TMEM67: variants seen among roughly 807,000 people sequenced by gnomAD.
TMEM67 encodes transmembrane protein 67.
TMEM67 carries 124 observed loss-of-function variants against 136.6 expected under a neutral mutation model. The ratio of observed to expected loss-of-function variants is 0.91; its 90% CI spans 0.78 to 1.05. The LOEUF is 1.05. Ranked by LOEUF, TMEM67 falls within the 50% of genes least tolerant of loss-of-function variation. TMEM67 has a pLI of 0.00. For missense variants in TMEM67, 1,107 were observed against 1,178.4 expected, an observed-to-expected ratio of 0.94 and a Z score of 0.89; for synonymous variants, 364 against 390.5, an observed-to-expected ratio of 0.93 and a Z score of 0.80.
rs768339643 is a variant in TMEM67 at position 93,803,564 on chromosome 8, C to T, written c.2242-40C>T. 1.1e-5 allele frequency: 15 copies of T among 1,331,538 alleles called. No homozygotes were observed. The African/African-American group carries it at 1.2e-4, about 10-fold the overall frequency. 82.5% of individuals were successfully genotyped at this position (1,331,538 alleles called of 1,614,324 possible). On this transcript the variant is annotated intron_variant, in intron 21 of 27. Transcript: ENST00000453321. ...TGTGGCTGTAAAAGAAAATTAAAAT[C>T]CTAAAAGCTAATAAGCATAAACTTG...
At chr8:93,826,533 C>A in the TMEM67 span, among the ~76,000 whole-genome samples, 1 of 152,134 alleles carries the variant, frequency 6.6e-6, no homozygotes, top group African/African-American at 2.4e-5. Context: ...AGGTTAGATA[C>A]ATGTTTAATT....
chr8:93,830,299 C>G, the TMEM67 span, among the ~76,000 whole-genome samples: 2 of 152,182 alleles, frequency 1.3e-5, no homozygotes, highest in African/African-American at 2.4e-5. Flanking sequence ...CCCTACACAT[C>G]TCTCCATCTG....
chr8:93,791,217 A>G lies in TMEM67; in HGVS notation c.1519-46A>G, dbSNP rs375208900. Reference sequence around the variant, plus strand: ...ATTTTTATAACAAAAATAAGTTTGTATCATATAATTTCAGTATAGCTAATT... The same window carrying G: ...ATTTTTATAACAAAAATAAGTTTGTGTCATATAATTTCAGTATAGCTAATT... On this transcript the variant is annotated intron_variant, in intron 14 of 27. Transcript: ENST00000453321. 8 of 1,251,466 alleles carry G rather than the reference A, an allele frequency of 6.4e-6. No individual in the cohort carries two copies. The African/African-American group carries it at 1.0e-4, about 16-fold the overall frequency. The allele number at this position is 1,251,466 out of a possible 1,614,324, so 77.5% of individuals were successfully genotyped here. A position where few individuals can be genotyped will look rare whatever the true frequency, so the allele number is the denominator to read the frequency against.
At chr8:93,820,862 C>T (rs549024863), downstream of TMEM67, among the ~76,000 whole-genome samples, 7 of 152,274 alleles carry the variant, frequency 4.6e-5, no homozygotes, top group African/African-American at 9.6e-5. Context: ...CTAGAAGTAG[C>T]AATAGACAAA....
chr8:93,780,519 TA>T, intron 7 of TMEM67, 73 bp from the exon 8 acceptor site: 1 of 1,591,674 alleles, frequency 6.3e-7, no homozygotes. Context: ...CTGCACAAAG[TA>T]AAATTTTTAT....
intron 6 of TMEM67, among the ~76,000 whole-genome samples, chr8:93,770,212 A>C (rs1405780525): frequency 2.0e-5 from 3 of 152,250 alleles, no homozygotes; most frequent in African/African-American, 2.4e-5. Flanking sequence ...CATTTGCTTT[A>C]TCTCTCTGTA....
At chr8:93,830,667 G>C in the TMEM67 span, among the ~76,000 whole-genome samples, 1 of 152,172 alleles carries the variant, frequency 6.6e-6, no homozygotes, top group East Asian at 1.9e-4. Context: ...AAGAGAATAG[G>C]AAAAAGCACA....
At chr8:93,810,722 G>A (rs992931539) in intron 26 of TMEM67, among the ~76,000 whole-genome samples, 9 of 152,074 alleles carry the variant, frequency 5.9e-5, no homozygotes, top group Non-Finnish European at 1.3e-4. Context: ...AAGTATTCAG[G>A]TGAATTTCAG....
intron 20 of TMEM67, among the ~76,000 whole-genome samples, chr8:93,799,150 G>A (rs1185234655): frequency 6.6e-6 from 1 of 152,010 alleles, no homozygotes; most frequent in East Asian, 1.9e-4. Flanking sequence ...TGTAATGGAT[G>A]GACCAAAAGT....
chr8:93,759,214 C>T (rs1319754384), intron 3 of TMEM67: 1 of 152,050 alleles, frequency 6.6e-6, no homozygotes, highest in African/African-American at 2.4e-5. Flanking sequence ...TTAATCCTAG[C>T]ACTTTGGAAG....
At chr8:93,779,898 T>C (rs1813733822) in intron 7 of TMEM67, among the ~76,000 whole-genome samples, 1 of 152,126 alleles carries the variant, frequency 6.6e-6, no homozygotes, top group Non-Finnish European at 1.5e-5. Context: ...GAACCACTGC[T>C]CTCTTCAGAG....
chr8:93,782,137 A>G (rs2130671354), intron 10 of TMEM67, among the ~76,000 whole-genome samples: 1 of 152,210 alleles, frequency 6.6e-6, no homozygotes, highest in African/African-American at 2.4e-5. Context: ...GATGGTCTTG[A>G]TCTCCTGACC....
downstream of TMEM67, among the ~76,000 whole-genome samples, chr8:93,821,366 C>T (rs1274673755): frequency 2.0e-5 from 3 of 152,198 alleles, no homozygotes; most frequent in African/African-American, 7.2e-5. Flanking sequence ...ACTGTAGACT[C>T]GACCTCCCAG....
At chr8:93,766,923 C>A (rs1356362595) in intron 6 of TMEM67, among the ~76,000 whole-genome samples, 1 of 152,142 alleles carries the variant, frequency 6.6e-6, no homozygotes, top group African/African-American at 2.4e-5. Flanking sequence ...GCATTCTTCT[C>A]CAGATTGGAG....
In TMEM67 at chr8:93,816,591, T is replaced by G. The variant is rs1400638147; in HGVS notation, c.*139T>G. The G allele has an allele frequency of 1.9e-6, 1 of 539,848 alleles. No individual in the cohort carries two copies. Among genetic ancestry groups the G allele is most frequent in the African/African-American group, 1.9e-5 (1 of 52,546 alleles). 33.4% of individuals were successfully genotyped at this position (539,848 alleles called of 1,614,324 possible). On this transcript the variant is annotated 3_prime_UTR_variant, in exon 28 of 28. Coordinates refer to ENST00000453321, the MANE Select transcript of TMEM67 (RefSeq NM_153704.6). ...GTTTTTTATTTGCAGAAAGATTTAT[T>G]TTTATAACTTGGGAATATATAACCT...
intron 7 of TMEM67, among the ~76,000 whole-genome samples, chr8:93,775,506 A>G (rs1813498896): frequency 6.6e-6 from 1 of 152,160 alleles, no homozygotes; most frequent in African/African-American, 2.4e-5. Context: ...TAAGTCTTTA[A>G]ACCATCTTGA....
At chr8:93,819,731 C>G (rs780972524), downstream of TMEM67, among the ~76,000 whole-genome samples, 7 of 152,198 alleles carry the variant, frequency 4.6e-5, no homozygotes, top group Non-Finnish European at 8.8e-5. Flanking sequence ...AGAGACAAAG[C>G]AGCACATGGC....
Position 93,786,306 on chromosome 8 carries a change from C to CA in TMEM67, c.1373dup (p.Pro459AlafsTer36), listed in dbSNP as rs1586051330. On this transcript the variant is annotated frameshift_variant, in exon 13 of 28. Transcript: ENST00000453321. LOFTEE classifies it high-confidence loss of function. Reference sequence around the variant, plus strand: ...TGGACGAGAAAATGACTTAGGAACTCAGCCAAGAGTAATTCGAGTTGCTAC... The same window carrying CA: ...TGGACGAGAAAATGACTTAGGAACTCAAGCCAAGAGTAATTCGAGTTGCTAC... The CA allele has an allele frequency of 1.2e-6, 2 of 1,614,012 alleles. No individual in the cohort carries two copies. Among genetic ancestry groups the CA allele is most frequent in the Non-Finnish European group, 1.7e-6 (2 of 1,179,916 alleles).
rs755000755 is a variant in TMEM67 at position 93,755,867 on chromosome 8, G to A, written c.312+1G>A. 6.5e-7 allele frequency: 1 copy of A among 1,545,884 alleles called. No individual in the cohort carries two copies. Among genetic ancestry groups the A allele is most frequent in the South Asian group, 1.2e-5 (1 of 85,272 alleles). On this transcript the variant is annotated splice_donor_variant, in intron 2 of 27. Coordinates refer to ENST00000453321, the MANE Select transcript of TMEM67 (RefSeq NM_153704.6). LOFTEE classifies it high-confidence loss of function. ...TTGTAAAAAGTGCCCAGAAAACATG[G>A]TGCGCATAATTTATTTTAAAATAAC...
Sources: gnomAD v4.1 joint callset for allele counts (sites outside exome capture counted in the v4.1 genomes callset) on GRCh38, gnomAD v4.1.1 for gene constraint, MANE v1.5 for transcripts, NCBI Gene and HGNC (gene_info 2026-07-23, HGNC 2026-07-21) for gene names.